NAV3: variants seen among roughly 807,000 people sequenced by gnomAD.
NAV3 encodes neuron navigator 3.
In NAV3, 87 loss-of-function variants were observed where a neutral mutation model predicts 244.7. That is an observed-to-expected ratio of 0.36 (90% CI 0.30 to 0.42). The LOEUF (loss-of-function observed/expected upper bound fraction) is 0.42, where lower values mean the gene tolerates loss of function less well. Among genes scored for constraint, NAV3 ranks in the 20% least tolerant of loss-of-function variants. The pLI is 1.00. For synonymous variants in NAV3, 1,126 were observed against 1,042.2 expected (o/e 1.08, Z -1.55); for missense variants, 2,663 against 2,893.3 (o/e 0.92, Z 1.83).
intron 8 of NAV3, among the ~76,000 whole-genome samples, chr12:78,018,927 TTAG>T (rs552304856): frequency 2.8e-4 from 43 of 152,180 alleles, no homozygotes; most frequent in African/African-American, 1.0e-3. Context: ...AGAACAGACT[TTAG>T]TAGACTTTAG....
intron 1 of NAV3, among the ~76,000 whole-genome samples, chr12:77,936,959 T>C (rs1391685654): frequency 6.6e-6 from 1 of 152,188 alleles, no homozygotes; most frequent in African/African-American, 2.4e-5. Context: ...TTGTATATAA[T>C]ATTTTAAAAT....
At chr12:77,747,987 A>G (rs1412814402) in intron 2 of NAV3, among the ~76,000 whole-genome samples, 1 of 152,216 alleles carries the variant, frequency 6.6e-6, no homozygotes, top group East Asian at 1.9e-4. Context: ...TACATATGTA[A>G]CAAACCTGCA....
intron 22 of NAV3, among the ~76,000 whole-genome samples, chr12:78,157,054 A>G (rs1162003358): frequency 6.6e-6 from 1 of 152,132 alleles, no homozygotes; most frequent in Non-Finnish European, 1.5e-5. Context: ...GAAAATAATT[A>G]CCACAGAAGT....
At chr12:77,883,303 C>A (rs2136640407) in intron 1 of NAV3, among the ~76,000 whole-genome samples, 1 of 152,138 alleles carries the variant, frequency 6.6e-6, no homozygotes, top group African/African-American at 2.4e-5. Context: ...AACATGTATG[C>A]AACTGAAGGC....
intron 1 of NAV3, among the ~76,000 whole-genome samples, chr12:77,913,726 T>A (rs117054271): frequency 2.0e-5 from 3 of 152,090 alleles, no homozygotes; most frequent in African/African-American, 7.2e-5. Flanking sequence ...GAGTTGAGTA[T>A]TTTTACAGTC....
chr12:78,116,777 A>G lies in NAV3; in HGVS notation c.2642A>G (p.Asp881Gly), dbSNP rs2138514421. The G allele has an allele frequency of 6.3e-7, 1 of 1,591,970 alleles. No homozygotes were observed. The highest frequency in any genetic ancestry group is 8.6e-7 in the Non-Finnish European group (1 of 1,165,830). Reference sequence around the variant, plus strand: ...CTTGCATGTCTTGCCTTTAGCTGGGATGACAGCAGTTCAGTGAGCAGTGGT... The same window carrying G: ...CTTGCATGTCTTGCCTTTAGCTGGGGTGACAGCAGTTCAGTGAGCAGTGGT... ...HDVTVDADSWDDSSSVSSGLS... is the reference protein window; with the variant it reads ...HDVTVDADSWGDSSSVSSGLS... The change falls in exon 13 of 40, where the codon GAT becomes GGT. Residue 881 changes from aspartate (D) to glycine (G), a missense_variant. Asp to Gly is a moderately conservative substitution (Grantham distance 94). Transcript: ENST00000397909.
At chr12:78,073,285 A>T (rs2137670758) in intron 12 of NAV3, among the ~76,000 whole-genome samples, 2 of 134,894 alleles carry the variant, frequency 1.5e-5, no homozygotes, top group South Asian at 5.4e-4. Context: ...TATCTAGAAA[A>T]CCCCATTGTC....
chr12:77,817,811 AT>A lies in NAV3; in HGVS notation c.73-122505del, dbSNP rs1872579549. 3.3e-5 allele frequency among the ~76,000 whole-genome samples: 5 copies of A among 152,226 alleles called. No individual in the cohort carries two copies. The South Asian group carries it at 1.0e-3, about 32-fold the overall frequency. On this transcript the variant is annotated intron_variant, in intron 2 of 8. Coordinates refer to the NAV3 transcript ENST00000550042. Reference sequence around the variant, plus strand: ...GGGGAAAAATCCCCACTGGTCTCCTATTTATCTAATTTTAATCCTCAAAGGT... The same window carrying A: ...GGGGAAAAATCCCCACTGGTCTCCTATTATCTAATTTTAATCCTCAAAGGT...
intron 2 of NAV3, among the ~76,000 whole-genome samples, chr12:77,675,778 T>C (rs1186698103): frequency 6.6e-6 from 1 of 152,118 alleles, no homozygotes; most frequent in African/African-American, 2.4e-5. Context: ...TTGTGCCTTG[T>C]GAGATCTGAG....
Position 78,034,001 on chromosome 12 carries a change from G to A in NAV3, c.2023+12139G>A, listed in dbSNP as rs534545494. Among the ~76,000 whole-genome samples, 3 of 152,328 alleles carry A rather than the reference G, an allele frequency of 2.0e-5. No individual in the cohort carries two copies. In the East Asian group the frequency reaches 5.8e-4, roughly 29 times the overall value. ...GTTAGAATAAAGAATACCTGAGAGA[G>A]AGCTGTAACAAACAGAGTGGACATT... On this transcript the variant is annotated intron_variant, in intron 9 of 39. Transcript: ENST00000397909.
intron 21 of NAV3, among the ~76,000 whole-genome samples, chr12:78,147,896 G>A (rs1956927330): frequency 6.6e-6 from 1 of 152,018 alleles, no homozygotes; most frequent in Non-Finnish European, 1.5e-5. Context: ...TAACATCCAA[G>A]TAACTGAAAT....
intron 1 of NAV3, among the ~76,000 whole-genome samples, chr12:77,842,490 C>G (rs760902987): frequency 1.3e-5 from 2 of 151,420 alleles, no homozygotes; most frequent in Non-Finnish European, 1.5e-5. Flanking sequence ...TGTGTACGAT[C>G]TGAATTGTAG....
intron 2 of NAV3, among the ~76,000 whole-genome samples, chr12:77,787,955 C>T (rs1019897217): frequency 2.0e-5 from 3 of 152,036 alleles, no homozygotes; most frequent in Non-Finnish European, 4.4e-5. Context: ...TTTATTAGTC[C>T]TGTTATTTGG....
intron 2 of NAV3, among the ~76,000 whole-genome samples, chr12:77,796,990 A>G (rs574418162): frequency 6.6e-6 from 1 of 152,290 alleles, no homozygotes; most frequent in Non-Finnish European, 1.5e-5. Context: ...ATGAATTCTC[A>G]AAATCTCTGA....
intron 2 of NAV3, among the ~76,000 whole-genome samples, chr12:77,639,602 A>C (rs1026348309): frequency 6.6e-6 from 1 of 152,178 alleles, no homozygotes; most frequent in Admixed American, 6.5e-5. Context: ...TAATTAAGGT[A>C]CACACATTTA....
In NAV3 at chr12:78,098,753, G is replaced by T. The variant is rs948217847; in HGVS notation, c.2637-18019G>T. 4.0e-5 allele frequency among the ~76,000 whole-genome samples: 6 copies of T among 151,024 alleles called. No individual in the cohort carries two copies. In the East Asian group the frequency reaches 1.2e-3, roughly 29 times the overall value. On this transcript the variant is annotated intron_variant, in intron 12 of 39. Transcript: ENST00000397909. ...TAGCATTTAAAAATGTAATACAAAT[G>T]GATTATTTAAACTCCATTGCAAAAA...
At chr12:77,934,529 G>C (rs1303944984) in intron 1 of NAV3, among the ~76,000 whole-genome samples, 2 of 152,086 alleles carry the variant, frequency 1.3e-5, no homozygotes, top group African/African-American at 4.8e-5. Flanking sequence ...CTGTTCTAGG[G>C]CTCCTTTTCC....
At chr12:77,788,077 T>C (rs1870989687) in intron 2 of NAV3, among the ~76,000 whole-genome samples, 1 of 152,208 alleles carries the variant, frequency 6.6e-6, no homozygotes, top group African/African-American at 2.4e-5. Context: ...ATTAATTCTG[T>C]CACCATGAGT....
In NAV3 at chr12:78,181,996, T is replaced by A. The variant is rs911139524; in HGVS notation, c.5692+951T>A. Among the ~76,000 whole-genome samples, 2 of 152,032 alleles carry A rather than the reference T, an allele frequency of 1.3e-5. 1 individual carries two copies. Among genetic ancestry groups the A allele is most frequent in the Middle Eastern group, 6.3e-3 (2 of 316 alleles). ...AAAATAATGGCCTTCATCTTATATG[T>A]AAAAGACAAGTGGGCACTCCCTGTA... On this transcript the variant is annotated intron_variant, in intron 30 of 39. Coordinates refer to ENST00000397909, the MANE Select transcript of NAV3 (RefSeq NM_001024383.2).
Sources: gnomAD v4.1 joint callset for allele counts (sites outside exome capture counted in the v4.1 genomes callset) on GRCh38, gnomAD v4.1.1 for gene constraint, MANE v1.5 for transcripts, NCBI Gene and HGNC (gene_info 2026-07-23, HGNC 2026-07-21) for gene names.